The following CRYBG2 variants were observed in gnomAD, a reference collection of about 807,000 sequenced individuals.
The protein encoded by CRYBG2 is crystallin beta-gamma domain containing 2.
A neutral mutation model predicts 153.4 loss-of-function variants in CRYBG2; 106 were observed. The observed-to-expected ratio is 0.69, with a 90% CI of 0.59 to 0.81. The LOEUF is 0.81. Among genes scored for constraint, CRYBG2 ranks in the 30% least tolerant of loss-of-function variants. The pLI, the probability that CRYBG2 is intolerant of heterozygous loss-of-function variation, is 0.00. For missense variants in CRYBG2, 1,996 were observed against 2,112.0 expected (o/e 0.95, Z 1.08); for synonymous variants, 851 against 877.8 (o/e 0.97, Z 0.54).
chr1:26,329,297 C>T (rs1365156549), intron 15 of CRYBG2, among the ~76,000 whole-genome samples: 1 of 151,676 alleles, frequency 6.6e-6, no homozygotes, highest in Non-Finnish European at 1.5e-5. Context: ...CTGCCTCAGC[C>T]TCCTGAGTAG....
In CRYBG2 at chr1:26,344,557, C is replaced by T; in HGVS notation, c.2101G>A (p.Asp701Asn). ...GATGGGGCAGGGAGAGCATCAGGGT[C>T]CTGCACAACCTCTTTCTGGGTGAGA... ...SSLTQKEVVQDPDALPAPSSS... is the reference protein window; with the variant it reads ...SSLTQKEVVQNPDALPAPSSS... The change falls in exon 2 of 20, where the codon GAC (aspartate) becomes AAC (asparagine). Residue 701 changes from aspartate (D) to asparagine (N), a missense_variant. Transcript: ENST00000308182. 6.5e-7 allele frequency: 1 copy of T among 1,542,186 alleles called. No homozygotes were observed.
At chr1:26,335,709 G>A (rs2074045581) in intron 14 of CRYBG2, among the ~76,000 whole-genome samples, 1 of 152,124 alleles carries the variant, frequency 6.6e-6, no homozygotes, top group African/African-American at 2.4e-5. Flanking sequence ...ATCTGAACAC[G>A]GACTGGGTAT....
chr1:26,328,866 G>A lies in CRYBG2; in HGVS notation c.4322C>T (p.Ser1441Leu). 1 of 1,614,112 alleles carries A rather than the reference G, an allele frequency of 6.2e-7. No homozygotes were observed. The highest frequency in any genetic ancestry group is 2.2e-5 in the East Asian group (1 of 44,878). ...GSLQKVSLHF[S>L]EPSIFLYGLE... ...TCCATACAGGAAAATGGAAGGCTCT[G>A]AAAAGTGCTGGGGCCCAGGAGACAG... Residue 1441 changes from serine (S) to leucine (L), a missense_variant, in exon 16 of 20, where the codon TCA (serine) becomes TTA (leucine). By Grantham distance (145) the Ser-to-Leu change is moderately radical (BLOSUM62 -2). Transcript: ENST00000308182.
intron 16 of CRYBG2, 188 bp downstream of exon 16, chr1:26,328,546 C>T (rs2073960532): frequency 1.8e-6 from 2 of 1,120,708 alleles, no homozygotes; most frequent in Middle Eastern, 3.0e-4. Flanking sequence ...AGAAGCCCAC[C>T]AAGCTGGGGT....
Position 26,337,568 on chromosome 1 carries a change from G to A in CRYBG2, c.3614C>T (p.Ser1205Phe). 6.2e-7 allele frequency: 1 copy of A among 1,612,944 alleles called. No individual in the cohort carries two copies. The highest frequency in any genetic ancestry group is 8.5e-7 in the Non-Finnish European group (1 of 1,179,956). Residue 1205 changes from serine to phenylalanine, a missense_variant, in exon 9 of 20, where the codon TCT (serine) becomes TTT (phenylalanine). Coordinates refer to ENST00000308182, the MANE Select transcript of CRYBG2 (RefSeq NM_001039775.4). ...TCCGAGAACTCTCAGGGACCCCACA[G>A]AGGCCAGGTGGGGGCTCTGGCTGTC... ...PEDSQSPHLA[S>F]VGSLRVLGGC...
chr1:26,332,360 G>A (rs1353739185), intron 14 of CRYBG2, among the ~76,000 whole-genome samples: 1 of 151,256 alleles, frequency 6.6e-6, no homozygotes, highest in Non-Finnish European at 1.5e-5. Flanking sequence ...GCAGTTAAGT[G>A]GAATGAAAAA....
At position 26,343,076 on chromosome 1, in the gene CRYBG2, G is replaced by T. The variant is rs192252700; in HGVS notation, c.3045C>A (p.Pro1015=). The T allele has an allele frequency of 1.5e-4, 228 of 1,550,204 alleles. No individual in the cohort carries two copies. In the African/African-American group the frequency reaches 2.6e-3, roughly 18 times the overall value. ...GDIVDASGWA[P]VASIRVVRGC... Reference sequence around the variant, plus strand: ...CTCGAACTACCCTTATGGAGGCTACGGGGGCCCAGCCTGAGGCATCAACGA... The same window carrying T: ...CTCGAACTACCCTTATGGAGGCTACTGGGGCCCAGCCTGAGGCATCAACGA... Residue 1015 remains proline (P), a synonymous_variant, in exon 4 of 20, where the codon CCC becomes CCA. Coordinates refer to ENST00000308182, the MANE Select transcript of CRYBG2 (RefSeq NM_001039775.4). This position sits in a 1 kb window ranked among gnomAD's most constrained non-coding sequence, Gnocchi z 4.1.
Position 26,327,486 on chromosome 1 carries a change from A to C in CRYBG2, c.4578+723T>G, listed in dbSNP as rs796219712. ...CCGTCTCAAAAAACAAAAAACAAAA[A>C]AAAAAACCAAAAATTAGCCAGATGT... is the stretch of plus-strand genomic sequence containing the variant. On this transcript the variant is annotated intron_variant, in intron 17 of 19. Transcript: ENST00000308182. Among the ~76,000 whole-genome samples, 3 of 151,710 alleles carry C rather than the reference A, an allele frequency of 2.0e-5. No individual in the cohort carries two copies. The South Asian group carries it at 6.3e-4, about 32-fold the overall frequency.
chr1:26,354,099 C>T lies in CRYBG2; in HGVS notation c.-119G>A, dbSNP rs540831986. ...CAGCCTGGAGCTCCTGCTGCTGGGC[C>T]GTGCTCCCCTGATGCGATTGGGCTC... is the stretch of plus-strand genomic sequence containing the variant. On this transcript the variant is annotated 5_prime_UTR_variant, in exon 1 of 20. Coordinates refer to ENST00000308182, the MANE Select transcript of CRYBG2 (RefSeq NM_001039775.4). 1.8e-4 allele frequency: 70 copies of T among 399,648 alleles called. No homozygotes were observed. Among genetic ancestry groups the T allele is most frequent in the African/African-American group, 1.3e-3 (61 of 48,754 alleles). 24.8% of individuals were successfully genotyped at this position (399,648 alleles called of 1,614,324 possible). A position where few individuals can be genotyped will look rare whatever the true frequency, so the allele number is the denominator to read the frequency against.
chr1:26,337,991 C>T (rs1486650802), intron 8 of CRYBG2, 21 bp downstream of exon 8: 1 of 1,611,366 alleles, frequency 6.2e-7, no homozygotes, highest in Non-Finnish European at 8.5e-7. Flanking sequence ...CCCTCTTTGG[C>T]TCTTAAGCCC....
chr1:26,338,124 G>C (rs2074084880), intron 7 of CRYBG2, 77 bp from the exon 8 acceptor site: 1 of 1,560,226 alleles, frequency 6.4e-7, no homozygotes, highest in Non-Finnish European at 8.7e-7. Context: ...GGATTTTCCT[G>C]ATCCTGAGAA....
intron 1 of CRYBG2, among the ~76,000 whole-genome samples, chr1:26,353,045 A>C (rs1434852425): frequency 2.0e-5 from 3 of 152,124 alleles, no homozygotes; most frequent in African/African-American, 7.2e-5. Context: ...CACTCTCTGC[A>C]CAGGGCCAAA....
In CRYBG2 at chr1:26,336,351, T is replaced by C. The variant is rs2074054691; in HGVS notation, c.4058A>G (p.His1353Arg). ...PVLQVGEHDL[H>R]FVSKIQLFSR... ...TCCCTGCCTTACCTTTGAGACGAAG[T>C]GCAGATCGTGCTCCCCGACCTGAAG... Residue 1353 changes from histidine to arginine, a missense_variant, in exon 13 of 20, where the codon CAC (histidine) becomes CGC (arginine). By Grantham distance (29) the His-to-Arg change is conservative. Transcript: ENST00000308182. This position sits in a 1 kb window ranked among gnomAD's most constrained non-coding sequence, Gnocchi z 4.9. The C allele has an allele frequency of 4.3e-6, 7 of 1,613,412 alleles. No homozygotes were observed. Among genetic ancestry groups the C allele is most frequent in the Admixed American group, 1.7e-5 (1 of 59,948 alleles).
Position 26,322,224 on chromosome 1 carries a change from T to A in CRYBG2, c.4837A>T (p.Ile1613Phe). 1 of 1,614,226 alleles carries A rather than the reference T, an allele frequency of 6.2e-7. No individual in the cohort carries two copies. Among genetic ancestry groups the A allele is most frequent in the Non-Finnish European group, 8.5e-7 (1 of 1,180,038 alleles). The change falls in exon 19 of 20, where the codon ATC (isoleucine) becomes TTC (phenylalanine). Residue 1613 changes from isoleucine (I) to phenylalanine (F), a missense_variant. Physicochemically the swap from Ile to Phe is conservative, Grantham distance 21. Coordinates refer to ENST00000308182, the MANE Select transcript of CRYBG2 (RefSeq NM_001039775.4). ...ESRLPRQTWS[I>F]SESGHICSQM... Reference sequence around the variant, plus strand: ...CTGCAGATGTGGCCCGATTCACTGATGCTCCACGTCTGGCGCGGCAGGCGG... The same window carrying A: ...CTGCAGATGTGGCCCGATTCACTGAAGCTCCACGTCTGGCGCGGCAGGCGG...
chr1:26,334,439 C>T (rs947952320), intron 14 of CRYBG2, among the ~76,000 whole-genome samples: 1 of 151,938 alleles, frequency 6.6e-6, no homozygotes, highest in Non-Finnish European at 1.5e-5. Context: ...AAAACAAAAA[C>T]AAATCCAGAA....
Position 26,343,266 on chromosome 1 carries a change from G to A in CRYBG2, c.2941C>T (p.Leu981=), listed in dbSNP as rs556333695. The change falls in exon 3 of 20, where the codon CTG becomes TTG. Residue 981 remains leucine (L), a synonymous_variant. Coordinates refer to ENST00000308182, the MANE Select transcript of CRYBG2 (RefSeq NM_001039775.4). This position sits in a 1 kb window ranked among gnomAD's most constrained non-coding sequence, Gnocchi z 4.1. ...WSPALKTQGK[L]NTRPGKVIFF... ...CCTACCTTTCCAGGCCTGGTGTTCA[G>A]CTTGCCCTGGGTCTTTAAGGCTGGG... The A allele has an allele frequency of 6.5e-7, 1 of 1,550,144 alleles. No homozygotes were observed. The highest frequency in any genetic ancestry group is 1.2e-5 in the South Asian group (1 of 84,046).
intron 5 of CRYBG2, among the ~76,000 whole-genome samples, chr1:26,341,665 T>G (rs1193779175): frequency 6.6e-6 from 1 of 152,112 alleles, no homozygotes; most frequent in Non-Finnish European, 1.5e-5. Context: ...TTTTGTATTT[T>G]TAGTAGAGAC....
Position 26,330,596 on chromosome 1 carries a change from T to C in CRYBG2, c.4314+893A>G, listed in dbSNP as rs185484538. Reference sequence around the variant, plus strand: ...TTCTGTCACCCAGGCTGGAGTACGGTGGCGTTATCAGGGCTAACTGCAACC... The same window carrying C: ...TTCTGTCACCCAGGCTGGAGTACGGCGGCGTTATCAGGGCTAACTGCAACC... On this transcript the variant is annotated intron_variant, in intron 15 of 19. Transcript: ENST00000308182. 4.4e-3 allele frequency among the ~76,000 whole-genome samples: 628 copies of C among 141,696 alleles called. 4 individuals carry two copies. Among genetic ancestry groups the C allele is most frequent in the Middle Eastern group, 0.012 (3 of 244 alleles). The allele number at this position is 141,696 out of a possible 152,430, so 93.0% of individuals were successfully genotyped here.
At chr1:26,337,891 C>A (rs187691141) in intron 8 of CRYBG2, 121 bp downstream of exon 8, 3 of 1,398,044 alleles carry the variant, frequency 2.1e-6, no homozygotes, top group African/African-American at 1.4e-5. Context: ...TCCCATCCCC[C>A]CAGACCGTGC....
Sources: allele counts gnomAD v4.1 joint callset (sites outside exome capture counted in the v4.1 genomes callset), GRCh38; gene constraint gnomAD v4.1.1; non-coding constraint Gnocchi (gnomAD v3.1); transcripts MANE v1.5; gene names NCBI Gene and HGNC (gene_info 2026-07-23, HGNC 2026-07-21).